ATRNL1: variants seen among roughly 807,000 people sequenced by gnomAD.
The protein encoded by ATRNL1 is attractin like 1, also known as attractin-like protein 1.
In ATRNL1, 95 loss-of-function variants were observed where a neutral mutation model predicts 182.7. That is an observed-to-expected ratio of 0.52 (90% CI 0.44 to 0.62). The LOEUF (loss-of-function observed/expected upper bound fraction) is 0.62. Ranked by LOEUF, ATRNL1 falls within the 20% of genes least tolerant of loss-of-function variation. ATRNL1 has a pLI of 0.00. For synonymous variants in ATRNL1, 576 were observed against 568.3 expected, an observed-to-expected ratio of 1.01 and a Z score of -0.19; for missense variants, 1,471 against 1,679.5, an observed-to-expected ratio of 0.88 and a Z score of 2.17.
chr10:115,408,167 C>G (rs978486403), intron 20 of ATRNL1, among the ~76,000 whole-genome samples: 1 of 151,270 alleles, frequency 6.6e-6, no homozygotes, highest in Non-Finnish European at 1.5e-5. Flanking sequence ...CCGCGCCCGG[C>G]TAATTTTTTG....
chr10:115,724,889 T>C (rs1947545750), intron 26 of ATRNL1, among the ~76,000 whole-genome samples: 1 of 152,130 alleles, frequency 6.6e-6, no homozygotes, highest in Non-Finnish European at 1.5e-5. Context: ...GCAAGAGTGC[T>C]ACGAGGGAAA....
chr10:115,534,963 C>T (rs1319708773), intron 25 of ATRNL1, among the ~76,000 whole-genome samples: 1 of 152,216 alleles, frequency 6.6e-6, no homozygotes, highest in Non-Finnish European at 1.5e-5. Flanking sequence ...TGTAGAGTTT[C>T]TGCTGAGAGA....
chr10:115,179,319 T>C (rs981173924), intron 8 of ATRNL1, among the ~76,000 whole-genome samples: 16 of 151,754 alleles, frequency 1.1e-4, no homozygotes, highest in African/African-American at 3.9e-4. Context: ...ATGAGTGGGG[T>C]TGTGGTATTT....
chr10:115,902,388 G>C (rs969341660), intron 28 of ATRNL1, among the ~76,000 whole-genome samples: 1 of 152,238 alleles, frequency 6.6e-6, no homozygotes, highest in East Asian at 1.9e-4. Flanking sequence ...AAGCCGCATA[G>C]TGTGGATGGC....
At chr10:115,160,278 T>A in intron 6 of ATRNL1, 64 bp downstream of exon 6, 1 of 1,461,850 alleles carries the variant, frequency 6.8e-7, no homozygotes, top group Middle Eastern at 1.9e-4. Flanking sequence ...AATGTCTTTT[T>A]TTTTTAATTG....
intron 20 of ATRNL1, among the ~76,000 whole-genome samples, chr10:115,401,781 AT>A (rs1324372938): frequency 6.6e-6 from 1 of 152,148 alleles, no homozygotes; most frequent in African/African-American, 2.4e-5. Flanking sequence ...CCTCTGGAAC[AT>A]TATCAGAGTC....
chr10:115,764,963 C>T (rs1302497359), intron 27 of ATRNL1, among the ~76,000 whole-genome samples: 1 of 152,184 alleles, frequency 6.6e-6, no homozygotes, highest in Non-Finnish European at 1.5e-5. Flanking sequence ...CATGAGCCAC[C>T]ATGCCCAGCC....
intron 27 of ATRNL1, among the ~76,000 whole-genome samples, chr10:115,834,414 C>T (rs1555094744): frequency 6.6e-6 from 1 of 152,134 alleles, no homozygotes; most frequent in Non-Finnish European, 1.5e-5. Context: ...GTATATATGT[C>T]TGAATCCATA....
At chr10:115,284,719 A>G (rs1218050802) in intron 14 of ATRNL1, among the ~76,000 whole-genome samples, 1 of 152,198 alleles carries the variant, frequency 6.6e-6, no homozygotes, top group Non-Finnish European at 1.5e-5. Context: ...TATAACGGCT[A>G]TCTGTTGTAT....
intron 17 of ATRNL1, among the ~76,000 whole-genome samples, chr10:115,308,358 G>A (rs894113776): frequency 2.0e-5 from 3 of 152,052 alleles, no homozygotes; most frequent in African/African-American, 7.2e-5. Flanking sequence ...AGTCCCAAAT[G>A]TATAAAGGTT....
chr10:115,243,795 T>A (rs1554903500), intron 10 of ATRNL1, among the ~76,000 whole-genome samples: 3 of 152,236 alleles, frequency 2.0e-5, no homozygotes, highest in African/African-American at 2.4e-5. Flanking sequence ...ACAAAGGTTT[T>A]TTTTTATCCC....
intron 19 of ATRNL1, among the ~76,000 whole-genome samples, chr10:115,353,557 A>G (rs1268960500): frequency 9.9e-5 from 15 of 152,100 alleles, no homozygotes; most frequent in Admixed American, 9.8e-4. Flanking sequence ...TAGTCCATTT[A>G]CATTCAGTGT....
intron 8 of ATRNL1, among the ~76,000 whole-genome samples, chr10:115,188,377 C>T (rs782144424): frequency 2.6e-5 from 4 of 152,016 alleles, no homozygotes; most frequent in South Asian, 2.1e-4. Flanking sequence ...CTTAGAATTA[C>T]GGCTTTTAGG....
intron 13 of ATRNL1, among the ~76,000 whole-genome samples, chr10:115,274,389 G>C (rs1554914259): frequency 6.6e-6 from 1 of 152,042 alleles, no homozygotes; most frequent in African/African-American, 2.4e-5. Context: ...TTTTGTTTTG[G>C]TTATAGGAGG....
intron 28 of ATRNL1, among the ~76,000 whole-genome samples, chr10:115,942,571 A>C (rs2134627447): frequency 6.6e-6 from 1 of 152,316 alleles, no homozygotes; most frequent in South Asian, 2.1e-4. Flanking sequence ...AAATCTCTGA[A>C]TTCAGTTCCT....
chr10:115,165,227 T>A (rs1846981705), intron 6 of ATRNL1, among the ~76,000 whole-genome samples: 1 of 151,944 alleles, frequency 6.6e-6, no homozygotes, highest in Non-Finnish European at 1.5e-5. Flanking sequence ...AAAAAAAAAT[T>A]AAAAAATACA....
chr10:115,850,994 G>A (rs567307570), intron 28 of ATRNL1, among the ~76,000 whole-genome samples: 162 of 152,210 alleles, frequency 1.1e-3, no homozygotes, highest in African/African-American at 3.8e-3. Context: ...AAATGTTAGT[G>A]TATCTGTTCA....
Position 115,548,321 on chromosome 10 carries a change from C to G in ATRNL1, c.3717-1137C>G, listed in dbSNP as rs142723936. ...GTTATCGTTGTCATTGAAGGATATT[C>G]TAAGGTCTTCTGCTTCAAATGAGGC... On this transcript the variant is annotated intron_variant, in intron 25 of 28. Transcript: ENST00000355044. Among the ~76,000 whole-genome samples, 25 of 152,270 alleles carry G rather than the reference C, an allele frequency of 1.6e-4. No homozygotes were observed. The East Asian group carries it at 4.4e-3, about 27-fold the overall frequency.
intron 24 of ATRNL1, among the ~76,000 whole-genome samples, chr10:115,505,129 A>C (rs782578026): frequency 6.6e-6 from 1 of 152,114 alleles, no homozygotes; most frequent in Non-Finnish European, 1.5e-5. Flanking sequence ...ATTAAACATA[A>C]AATTATAGAA....
Sources: allele counts gnomAD v4.1 joint callset (sites outside exome capture counted in the v4.1 genomes callset), GRCh38; gene constraint gnomAD v4.1.1; transcripts MANE v1.5; gene names NCBI Gene and HGNC (gene_info 2026-07-23, HGNC 2026-07-21).